NUP205: variants seen among roughly 807,000 people sequenced by gnomAD.
NUP205 encodes the protein nuclear pore complex protein Nup205.
NUP205 carries 76 observed loss-of-function variants against 253.8 expected under a neutral mutation model. That is an observed-to-expected ratio of 0.30 (90% CI 0.25 to 0.36). NUP205 has a LOEUF of 0.36. Among genes scored for constraint, NUP205 ranks in the 10% least tolerant of loss-of-function variants. The pLI is 1.00. For missense variants in NUP205, 2,162 were observed against 2,425.5 expected (o/e 0.89, Z 2.28); for synonymous variants, 832 against 850.1 (o/e 0.98, Z 0.37).
At chr7:135,625,451 A>G in intron 32 of NUP205, 96 bp downstream of exon 32, 1 of 939,758 alleles carries the variant, frequency 1.1e-6, no homozygotes, top group Non-Finnish European at 1.6e-6. Context: ...CATTCTGAAT[A>G]TTTCTATCAT....
chr7:135,609,511 G>A (rs1388546628), intron 22 of NUP205, among the ~76,000 whole-genome samples: 1 of 151,248 alleles, frequency 6.6e-6, no homozygotes, highest in African/African-American at 2.4e-5. Flanking sequence ...ATCCGGGCAT[G>A]GTGGTGTGTG....
At chr7:135,645,794 T>A in intron 41 of NUP205, 198 bp downstream of exon 41, 1 of 602,668 alleles carries the variant, frequency 1.7e-6, no homozygotes, top group Non-Finnish European at 2.9e-6. Context: ...ATAAGAATAT[T>A]CTAGAGCCTG....
intron 11 of NUP205, 46 bp from the exon 12 acceptor site, chr7:135,592,941 G>A: frequency 7.6e-7 from 1 of 1,321,154 alleles, no homozygotes. Context: ...CCCAGCAAAT[G>A]CTTAGATGTT....
At chr7:135,644,829 A>G in intron 39 of NUP205, 66 bp from the exon 40 acceptor site, 4 of 1,468,412 alleles carry the variant, frequency 2.7e-6, no homozygotes, top group South Asian at 2.3e-5. Context: ...ACCTGCTGAT[A>G]GTAGTTTTTC....
At chr7:135,558,248 G>C (rs1209975962) in intron 1 of NUP205, 1 of 485,972 alleles carries the variant, frequency 2.1e-6, no homozygotes, top group Non-Finnish European at 3.8e-6. Context: ...GGCTGAGTCT[G>C]GTCCCCCTCA....
intron 37 of NUP205, 151 bp downstream of exon 37, chr7:135,638,210 G>T: frequency 1.2e-6 from 1 of 805,190 alleles, no homozygotes; most frequent in Non-Finnish European, 1.9e-6. Flanking sequence ...AAGAGTTGAA[G>T]ACCATCCTAG....
intron 1 of NUP205, among the ~76,000 whole-genome samples, chr7:135,567,610 C>CA (rs199786519): frequency 0.026 from 3,805 of 144,238 alleles, 77 homozygotes; most frequent in South Asian, 0.087. Flanking sequence ...GACCCTGTCT[C>CA]AAAAAAAAAA....
At chr7:135,589,315 C>G (rs1360548005) in intron 10 of NUP205, among the ~76,000 whole-genome samples, 1 of 146,394 alleles carries the variant, frequency 6.8e-6, no homozygotes, top group Non-Finnish European at 1.5e-5. Context: ...GATGGAGTTT[C>G]GCTCTTGTTG....
Position 135,600,914 on chromosome 7 carries a change from C to G in NUP205, c.2319C>G (p.Leu773=). ...EVVLEVFYKL[L]RDYEPQLEDF... is the part of the protein sequence containing the mutation. ...TTTTGGAGGTGTTTTATAAATTGCT[C>G]AGAGATTATGAGCCTCAGCTTGAAG... Residue 773 remains leucine, a synonymous_variant, in exon 16 of 43, where the codon CTC becomes CTG. Coordinates refer to ENST00000285968, the MANE Select transcript of NUP205 (RefSeq NM_015135.3). 1 of 1,611,918 alleles carries G rather than the reference C, an allele frequency of 6.2e-7. No homozygotes were observed. Among genetic ancestry groups the G allele is most frequent in the Non-Finnish European group, 8.5e-7 (1 of 1,178,528 alleles).
intron 1 of NUP205, among the ~76,000 whole-genome samples, chr7:135,560,187 G>C (rs983090996): frequency 6.6e-6 from 1 of 151,740 alleles, no homozygotes; most frequent in Non-Finnish European, 1.5e-5. Context: ...GTAGAGACGG[G>C]GTTTCACCAT....
chr7:135,621,422 G>A (rs537204991), intron 30 of NUP205, among the ~76,000 whole-genome samples: 1 of 152,090 alleles, frequency 6.6e-6, no homozygotes, highest in Non-Finnish European at 1.5e-5. Flanking sequence ...AGTTGAATTG[G>A]CCAAGTCACC....
chr7:135,622,825 G>A lies in NUP205; in HGVS notation c.4379G>A (p.Ser1460Asn), dbSNP rs1278216493. Reference sequence around the variant, plus strand: ...CTGACAGCCCCTGAAGATGTATTTAGCAAATTACAGCGAGAAAACATAGCC... The same window carrying A: ...CTGACAGCCCCTGAAGATGTATTTAACAAATTACAGCGAGAAAACATAGCC... ...ERLTAPEDVF[S>N]KLQRENIAII... Residue 1460 changes from serine to asparagine, a missense_variant, in exon 31 of 43, where the codon AGC becomes AAC. Coordinates refer to ENST00000285968, the MANE Select transcript of NUP205 (RefSeq NM_015135.3). 4 of 1,613,916 alleles carry A rather than the reference G, an allele frequency of 2.5e-6. No individual in the cohort carries two copies. In the East Asian group the frequency reaches 6.7e-5, roughly 27 times the overall value.
Position 135,648,587 on chromosome 7 carries a change from G to C in NUP205, c.*31G>C, listed in dbSNP as rs748674445. 6.9e-7 allele frequency: 1 copy of C among 1,445,752 alleles called. No homozygotes were observed. Among genetic ancestry groups the C allele is most frequent in the Non-Finnish European group, 9.2e-7 (1 of 1,092,294 alleles). 89.6% of individuals were successfully genotyped at this position (1,445,752 alleles called of 1,614,324 possible). A position where few individuals can be genotyped will look rare whatever the true frequency, so the allele number is the denominator to read the frequency against. On this transcript the variant is annotated 3_prime_UTR_variant, in exon 43 of 43. Coordinates refer to ENST00000285968, the MANE Select transcript of NUP205 (RefSeq NM_015135.3). ...CGTGCTTATGCTCTTCTATGAGAGA[G>C]ATGAATTGGGGAGAATTGTCTCCAT...
chr7:135,634,759 C>T (rs1178374890), intron 35 of NUP205, among the ~76,000 whole-genome samples: 1 of 152,032 alleles, frequency 6.6e-6, no homozygotes, highest in Non-Finnish European at 1.5e-5. Flanking sequence ...AGAGGTATAA[C>T]GAGCCCACAT....
intron 18 of NUP205, 131 bp from the exon 19 acceptor site, chr7:135,604,209 A>C: frequency 1.5e-6 from 1 of 658,384 alleles, no homozygotes; most frequent in Non-Finnish European, 2.5e-6. Context: ...TTAGAAGGGG[A>C]CAGCTTTTTC....
chr7:135,569,699 C>A (rs1168320364), intron 1 of NUP205, among the ~76,000 whole-genome samples: 1 of 151,938 alleles, frequency 6.6e-6, no homozygotes, highest in African/African-American at 2.4e-5. Flanking sequence ...TAGCACACAG[C>A]ACAAGTTTAG....
chr7:135,613,319 T>C (rs1279609947), intron 22 of NUP205, among the ~76,000 whole-genome samples: 1 of 151,814 alleles, frequency 6.6e-6, no homozygotes, highest in Non-Finnish European at 1.5e-5. Context: ...AGCAACTTTT[T>C]CTTATATTTA....
chr7:135,560,408 G>T (rs1004331502), intron 1 of NUP205, among the ~76,000 whole-genome samples: 13 of 152,174 alleles, frequency 8.5e-5, no homozygotes, highest in African/African-American at 3.1e-4. Flanking sequence ...GTATAATAAA[G>T]CCTTGTGTCA....
At chr7:135,622,061 C>A (rs1445830945) in intron 30 of NUP205, among the ~76,000 whole-genome samples, 1 of 151,728 alleles carries the variant, frequency 6.6e-6, no homozygotes, top group Admixed American at 6.6e-5. Context: ...CCTCGGCCTC[C>A]CAAAGTGCTA....
Sources: allele counts gnomAD v4.1 joint callset (sites outside exome capture counted in the v4.1 genomes callset), GRCh38; gene constraint gnomAD v4.1.1; transcripts MANE v1.5; gene names NCBI Gene and HGNC (gene_info 2026-07-23, HGNC 2026-07-21).